AKNA: variants seen among roughly 807,000 people sequenced by gnomAD.
AKNA encodes the protein microtubule organization protein AKNA.
A neutral mutation model predicts 138.8 loss-of-function variants in AKNA; 67 were observed. The observed-to-expected ratio is 0.48, with a 90% CI of 0.40 to 0.59. The LOEUF (loss-of-function observed/expected upper bound fraction) is 0.59. Ranked by LOEUF, AKNA falls within the 20% of genes least tolerant of loss-of-function variation. The pLI is 0.00. For missense variants in AKNA, 1,813 were observed against 1,880.4 expected, an observed-to-expected ratio of 0.96 and a Z score of 0.66; for synonymous variants, 737 against 754.4, an observed-to-expected ratio of 0.98 and a Z score of 0.38.
At chr9:114,351,214 G>A (rs1288470169) in intron 14 of AKNA, among the ~76,000 whole-genome samples, 193 bp from the exon 15 acceptor site, 1 of 152,058 alleles carries the variant, frequency 6.6e-6, no homozygotes, top group Non-Finnish European at 1.5e-5. Flanking sequence ...GGGAGTGTGG[G>A]GTGCTGAGCT....
chr9:114,396,487 C>T (rs1312458888), upstream of AKNA, among the ~76,000 whole-genome samples: 4 of 151,918 alleles, frequency 2.6e-5, no homozygotes, highest in African/African-American at 4.8e-5. Context: ...GAGACCATCC[C>T]GGCCAACATG....
chr9:114,360,240 G>A (rs760939362), intron 9 of AKNA, 178 bp from the exon 10 acceptor site: 13 of 746,758 alleles, frequency 1.7e-5, no homozygotes, highest in African/African-American at 1.0e-4. Context: ...TGTGGTCTTC[G>A]ATACTGGCTG....
chr9:114,330,849 C>T (rs146230347), downstream of AKNA: 109 of 1,613,770 alleles, frequency 6.8e-5, no homozygotes, highest in Middle Eastern at 6.6e-4. Flanking sequence ...AGAATGGGAC[C>T]GTCTCCAGAT....
At chr9:114,349,133 C>G (rs561440293) in intron 15 of AKNA, 1 of 350,034 alleles carries the variant, frequency 2.9e-6, no homozygotes, top group Admixed American at 3.6e-5. Context: ...TCCCCACCCC[C>G]AGTTAACTCC....
At chr9:114,352,514 T>C (rs1831198038) in intron 14 of AKNA, among the ~76,000 whole-genome samples, 1 of 152,056 alleles carries the variant, frequency 6.6e-6, no homozygotes, top group Non-Finnish European at 1.5e-5. Context: ...GGAGAATCAC[T>C]TGAACCTGAG....
At position 114,368,591 on chromosome 9, in the gene AKNA, T is replaced by C. The variant is rs1588998171; in HGVS notation, c.1421A>G (p.Asn474Ser). 1 of 1,382,304 alleles carries C rather than the reference T, an allele frequency of 7.2e-7. No individual in the cohort carries two copies. The highest frequency in any genetic ancestry group is 2.0e-5 in the South Asian group (1 of 49,568). 85.6% of individuals were successfully genotyped at this position (1,382,304 alleles called of 1,614,324 possible). ...GGGCTGGGGTGGGTCAGAGAACAGG[T>C]TCACCTGTGGAAGCAGGGAGGCACA... ...IDQLRLGAKV[N>S]LFSDPPQPNH... Residue 474 changes from asparagine to serine, a missense_variant, in exon 5 of 22, where the codon AAC becomes AGC. Transcript: ENST00000374088.
intron 17 of AKNA, 111 bp downstream of exon 17, chr9:114,346,558 A>T (rs1453413469): frequency 1.4e-5 from 12 of 832,120 alleles, no homozygotes; most frequent in Non-Finnish European, 2.2e-5. Context: ...ACAGATGCAC[A>T]AAAACCCTTC....
chr9:114,346,013 G>C lies in AKNA; in HGVS notation c.3515-4C>G, dbSNP rs778139420. The C allele has an allele frequency of 1.2e-6, 2 of 1,612,712 alleles. No individual in the cohort carries two copies. The highest frequency in any genetic ancestry group is 1.7e-6 in the Non-Finnish European group (2 of 1,179,226). ...GAGGGCAGCTCAGATTCTGAACCTG[G>C]GGTAGAAAAAGTGGGGCATCAGAGG... On this transcript the variant is annotated splice_polypyrimidine_tract_variant and splice_region_variant and intron_variant, in intron 17 of 21. Transcript: ENST00000374088.
chr9:114,380,680 C>A (rs1347624300), intron 2 of AKNA, among the ~76,000 whole-genome samples: 1 of 152,066 alleles, frequency 6.6e-6, no homozygotes, highest in East Asian at 1.9e-4. Context: ...CCACTCCCTT[C>A]CTCCCTGGAA....
chr9:114,347,377 G>A (rs1456293164), intron 16 of AKNA, among the ~76,000 whole-genome samples: 2 of 151,938 alleles, frequency 1.3e-5, no homozygotes, highest in Non-Finnish European at 2.9e-5. Context: ...ACACCACCAC[G>A]CCCAGCTAAT....
chr9:114,360,100 ATAGT>A, intron 9 of AKNA, 38 bp from the exon 10 acceptor site: 2 of 1,613,432 alleles, frequency 1.2e-6, no homozygotes, highest in Non-Finnish European at 1.7e-6. Context: ...GATTCAGCAG[ATAGT>A]TAAACACCAC....
At chr9:114,332,574 C>T (rs113229705), downstream of AKNA, among the ~76,000 whole-genome samples, 12,749 of 151,750 alleles carry the variant, frequency 0.084, 1,869 homozygotes, top group African/African-American at 0.29. Context: ...CCATTTGCCA[C>T]CTGAGATGAC....
Position 114,334,903 on chromosome 9 carries a change from C to T in AKNA, c.*2151G>A, listed in dbSNP as rs139855154. ...CATCCTTTGCTCAGCACCCAAACCACAGCTGTGCCCACAGCACGGAGGCTG... is the reference window on the plus strand; with the variant it reads ...CATCCTTTGCTCAGCACCCAAACCATAGCTGTGCCCACAGCACGGAGGCTG... On this transcript the variant is annotated 3_prime_UTR_variant, in exon 22 of 22. Coordinates refer to ENST00000374088, the MANE Select transcript of AKNA (RefSeq NM_001317950.2). 1 of 152,064 alleles carries T rather than the reference C, an allele frequency of 6.6e-6. No homozygotes were observed. Among genetic ancestry groups the T allele is most frequent in the East Asian group, 1.9e-4 (1 of 5,176 alleles). 9.4% of individuals were successfully genotyped at this position (152,064 alleles called of 1,614,324 possible).
At chr9:114,367,327 G>A (rs1375164387) in intron 6 of AKNA, among the ~76,000 whole-genome samples, 2 of 152,106 alleles carry the variant, frequency 1.3e-5, no homozygotes, top group Admixed American at 6.5e-5. Context: ...AAAAAGGGGG[G>A]TGAGACCTAG....
intron 1 of AKNA, among the ~76,000 whole-genome samples, chr9:114,385,485 C>T (rs1234531555): frequency 6.6e-6 from 1 of 152,162 alleles, no homozygotes; most frequent in African/African-American, 2.4e-5. Flanking sequence ...GAGGAAGGGG[C>T]CGGGGGAGGT....
rs1377003916 is a variant in AKNA at position 114,364,596 on chromosome 9, T to A, written c.1752A>T (p.Ile584=). The A allele has an allele frequency of 6.2e-7, 1 of 1,613,994 alleles. No individual in the cohort carries two copies. The highest frequency in any genetic ancestry group is 8.5e-7 in the Non-Finnish European group (1 of 1,180,032). The change falls in exon 7 of 22, where the codon ATA becomes ATT. Residue 584 remains isoleucine, a synonymous_variant. Transcript: ENST00000374088. ...CCTGGGGCATGAGACGTCCTGCCTG[T>A]ATCAGTCTTTCAAAGGACTCCACCT... ...LAKVESFERL[I]QAGRLMPQDQ...
intron 4 of AKNA, among the ~76,000 whole-genome samples, chr9:114,372,983 G>A (rs1832905379): frequency 1.7e-5 from 2 of 118,006 alleles, no homozygotes; most frequent in Non-Finnish European, 3.6e-5. Context: ...GGGGGGTCCT[G>A]GTCCTAGAAC....
chr9:114,380,875 C>T lies in AKNA; in HGVS notation c.274+185G>A, dbSNP rs141965182. Among the ~76,000 whole-genome samples, 17,891 of 149,856 alleles carry T rather than the reference C, an allele frequency of 0.12. 3,638 individuals are homozygous for T. Among genetic ancestry groups the T allele is most frequent in the African/African-American group, 0.42 (16,853 of 40,128 alleles). ...GCGCATGCCTGTAATCCCAGCTACTCGGGACGCTGAGGCAAGAGAATCGCT... is the reference window on the plus strand; with the variant it reads ...GCGCATGCCTGTAATCCCAGCTACTTGGGACGCTGAGGCAAGAGAATCGCT... On this transcript the variant is annotated intron_variant, in intron 2 of 21. Transcript: ENST00000374088.
chr9:114,376,879 G>C lies in AKNA; in HGVS notation c.928C>G (p.Arg310Gly), dbSNP rs765168773. 3.7e-6 allele frequency: 6 copies of C among 1,614,190 alleles called. No individual in the cohort carries two copies. Among genetic ancestry groups the C allele is most frequent in the Non-Finnish European group, 5.1e-6 (6 of 1,180,018 alleles). ...TKTSPKPLPS[R>G]FIGSISPLNP... ...AGGGGGCTGATGGAGCCAATGAATC[G>C]GGAAGGGAGTGGCTTAGGTGACGTC... The change falls in exon 3 of 22, where the codon CGA becomes GGA. Residue 310 changes from arginine to glycine, a missense_variant. Coordinates refer to ENST00000374088, the MANE Select transcript of AKNA (RefSeq NM_001317950.2).
Sources: allele counts gnomAD v4.1 joint callset (sites outside exome capture counted in the v4.1 genomes callset), GRCh38; gene constraint gnomAD v4.1.1; transcripts MANE v1.5; gene names NCBI Gene and HGNC (gene_info 2026-07-23, HGNC 2026-07-21).